Variants in GCC2 observed in about 807,000 individuals in gnomAD.
GCC2 encodes GRIP and coiled-coil domain containing 2.
GCC2 carries 120 observed loss-of-function variants against 210.6 expected under a neutral mutation model. The ratio of observed to expected loss-of-function variants is 0.57; its 90% confidence interval spans 0.49 to 0.66. The LOEUF (loss-of-function observed/expected upper bound fraction) is 0.66, where lower values mean the gene tolerates loss of function less well. GCC2 is among the 30% of genes least tolerant of loss of function. GCC2 has a pLI of 0.00. For missense variants in GCC2, 1,868 were observed against 1,871.9 expected (o/e 1.00, Z 0.04); for synonymous variants, 703 against 652.7 (o/e 1.08, Z -1.17).
intron 3 of GCC2, among the ~76,000 whole-genome samples, chr2:108,451,404 T>C (rs183079466): frequency 1.3e-5 from 2 of 152,332 alleles, no homozygotes; most frequent in East Asian, 1.9e-4. Flanking sequence ...TAGATTCTTC[T>C]GAGTTCTGAG....
At chr2:108,476,307 C>T (rs1373434411) in intron 9 of GCC2, among the ~76,000 whole-genome samples, 2 of 152,078 alleles carry the variant, frequency 1.3e-5, no homozygotes, top group Admixed American at 1.3e-4. Flanking sequence ...ATCCACCTAC[C>T]TCGGCCTCCC....
chr2:108,453,033 C>T lies in GCC2; in HGVS notation c.216+567C>T, dbSNP rs376503389. Reference sequence around the variant, plus strand: ...GGTTGTTACTTCATTCTCTGCTCTTCCCCAGCCCCCTGAAAACCTGGCCAT... The same window carrying T: ...GGTTGTTACTTCATTCTCTGCTCTTTCCCAGCCCCCTGAAAACCTGGCCAT... On this transcript the variant is annotated intron_variant, in intron 4 of 22. Coordinates refer to ENST00000309863, the MANE Select transcript of GCC2 (RefSeq NM_181453.4). Among the ~76,000 whole-genome samples, 60 of 152,316 alleles carry T rather than the reference C, an allele frequency of 3.9e-4. 1 individual carries two copies. The South Asian group carries it at 0.012, about 29-fold the overall frequency.
Position 108,480,911 on chromosome 2 carries a change from A to C in GCC2, c.3061-786A>C, listed in dbSNP as rs1264335007. The stretch of plus-strand genomic sequence containing the variant: ...GTACCCCTGAACTTAAAAGTTAAAA[A>C]ATTTTTTAAAAACACCATTTTGCTA... On this transcript the variant is annotated intron_variant, in intron 9 of 22. Transcript: ENST00000309863. 2.0e-5 allele frequency among the ~76,000 whole-genome samples: 3 copies of C among 152,172 alleles called. No homozygotes were observed. The East Asian group carries it at 5.8e-4, about 29-fold the overall frequency.
At chr2:108,476,639 A>T in intron 9 of GCC2, among the ~76,000 whole-genome samples, 1 of 151,884 alleles carries the variant, frequency 6.6e-6, no homozygotes, top group Admixed American at 6.5e-5. Flanking sequence ...AAAAGATAAG[A>T]ATTAAAAATT....
Position 108,470,988 on chromosome 2 carries a change from G to T in GCC2, c.1659G>T (p.Leu553Phe). Reference sequence around the variant, plus strand: ...AAAAGTTACTATCTCAACAAGAATTGGTACCAGAACTTGAAAATACCATAA... The same window carrying T: ...AAAAGTTACTATCTCAACAAGAATTTGTACCAGAACTTGAAAATACCATAA... ...ENEKLLSQQE[L>F]VPELENTIKN... The change falls in exon 6 of 23, where the codon TTG becomes TTT. Residue 553 changes from leucine to phenylalanine, a missense_variant. Leu to Phe is a conservative substitution (Grantham distance 22). Transcript: ENST00000309863. 1 of 1,613,016 alleles carries T rather than the reference G, an allele frequency of 6.2e-7. No homozygotes were observed. Among genetic ancestry groups the T allele is most frequent in the Non-Finnish European group, 8.5e-7 (1 of 1,179,448 alleles).
chr2:108,455,037 T>C lies in GCC2; in HGVS notation c.216+2571T>C, dbSNP rs111443370. Reference sequence around the variant, plus strand: ...TATCCATTAACTCTTATAATACTTTTTACAGAATTGCATTTCAGAATAAGA... The same window carrying C: ...TATCCATTAACTCTTATAATACTTTCTACAGAATTGCATTTCAGAATAAGA... On this transcript the variant is annotated intron_variant, in intron 4 of 22. Coordinates refer to ENST00000309863, the MANE Select transcript of GCC2 (RefSeq NM_181453.4). 3.3e-5 allele frequency among the ~76,000 whole-genome samples: 5 copies of C among 152,224 alleles called. 1 individual carries two copies. Among genetic ancestry groups the C allele is most frequent in the African/African-American group, 1.2e-4 (5 of 41,546 alleles).
chr2:108,449,650 G>A lies in GCC2; in HGVS notation c.24G>A (p.Gly8=), dbSNP rs188633754. 5.6e-6 allele frequency: 9 copies of A among 1,613,834 alleles called. No homozygotes were observed. The East Asian group carries it at 1.6e-4, about 28-fold the overall frequency. The part of the protein sequence containing the change: MEDLVQD[G]VASPATPGTG... Reference sequence around the variant, plus strand: ...TTTTGCAGGATCTTGTTCAAGATGGGGTGGCTTCACCAGCTACCCCTGGGA... The same window carrying A: ...TTTTGCAGGATCTTGTTCAAGATGGAGTGGCTTCACCAGCTACCCCTGGGA... Residue 8 remains glycine, a synonymous_variant, in exon 2 of 23, where the codon GGG becomes GGA. Coordinates refer to ENST00000309863, the MANE Select transcript of GCC2 (RefSeq NM_181453.4).
chr2:108,468,944 T>TCCACCAA, intron 4 of GCC2, 36 bp from the exon 5 acceptor site: 1 of 1,387,648 alleles, frequency 7.2e-7, no homozygotes, highest in South Asian at 1.2e-5. Flanking sequence ...TCCACCATTT[T>TCCACCAA]TTAACCCCAG....
chr2:108,458,354 G>A (rs974073624), intron 4 of GCC2, among the ~76,000 whole-genome samples: 6 of 149,540 alleles, frequency 4.0e-5, no homozygotes, highest in African/African-American at 1.2e-4. Flanking sequence ...GTGTTCATCA[G>A]GGATATTGGT....
chr2:108,496,718 A>G (rs1682660960), intron 20 of GCC2: 7 of 579,762 alleles, frequency 1.2e-5, no homozygotes, highest in Non-Finnish European at 2.0e-5. Context: ...CAATTCTGAC[A>G]AATTTCAGAA....
intron 21 of GCC2, among the ~76,000 whole-genome samples, chr2:108,497,400 G>C (rs751162558): frequency 2.6e-4 from 39 of 152,324 alleles, no homozygotes; most frequent in Non-Finnish European, 2.2e-4. Flanking sequence ...ACAGGCATGA[G>C]CCACTGCATC....
intron 15 of GCC2, 59 bp from the exon 16 acceptor site, chr2:108,486,452 A>G: frequency 6.4e-7 from 1 of 1,556,550 alleles, no homozygotes; most frequent in Non-Finnish European, 8.9e-7. Flanking sequence ...TTTAAGGAAA[A>G]CCTCTTTAAC....
intron 13 of GCC2, among the ~76,000 whole-genome samples, chr2:108,485,297 C>T (rs1164195438): frequency 1.5e-4 from 22 of 148,350 alleles, no homozygotes; most frequent in African/African-American, 3.8e-4. Context: ...AATGTGCACA[C>T]GTACCCTAAA....
At position 108,486,512 on chromosome 2, in the gene GCC2, T is replaced by A. The variant is rs1348990551; in HGVS notation, c.3794T>A (p.Ile1265Lys). The change falls in exon 16 of 23, where the codon ATA becomes AAA. Residue 1265 changes from isoleucine (I) to lysine (K), a missense_variant and splice_region_variant. Ile to Lys is a moderately radical substitution (Grantham distance 102, BLOSUM62 -3). Transcript: ENST00000309863. ...CTAAATTTAAAGATTTACCCCCAGATACAGCTGGCTGAAATAACATCAGAG... is the reference window on the plus strand; with the variant it reads ...CTAAATTTAAAGATTTACCCCCAGAAACAGCTGGCTGAAATAACATCAGAG... ...ASQQQVEVYK[I>K]QLAEITSEKH... 1 of 1,614,090 alleles carries A rather than the reference T, an allele frequency of 6.2e-7. No homozygotes were observed. Among genetic ancestry groups the A allele is most frequent in the African/African-American group, 1.3e-5 (1 of 75,044 alleles).
At position 108,470,437 on chromosome 2, in the gene GCC2, C is replaced by T; in HGVS notation, c.1108C>T (p.Gln370Ter). The T allele has an allele frequency of 6.2e-7, 1 of 1,605,736 alleles. No individual in the cohort carries two copies. Among genetic ancestry groups the T allele is most frequent in the Non-Finnish European group, 8.5e-7 (1 of 1,173,208 alleles). The change falls in exon 6 of 23, where the codon CAA becomes TAA. Residue 370 changes from glutamine (Q) to a stop codon, truncating the protein, a stop_gained. Coordinates refer to ENST00000309863, the MANE Select transcript of GCC2 (RefSeq NM_181453.4). LOFTEE classifies it high-confidence loss of function. ...TAAGTTAAAACTTGAAATGGATGCT[C>T]AACATATAAAGGATGAGTTTTTTCA... ...NLKLKLEMDA[Q>*]HIKDEFFHER...
In GCC2 at chr2:108,449,766, G is replaced by C. The variant is rs565658518; in HGVS notation, c.63+77G>C. 72 of 1,139,850 alleles carry C rather than the reference G, an allele frequency of 6.3e-5. No homozygotes were observed. In the Admixed American group the frequency reaches 1.0e-3, roughly 16 times the overall value. The allele number at this position is 1,139,850 out of a possible 1,614,324, so 70.6% of individuals were successfully genotyped here. ...ATTGGAAAACTTTGGCATGGGGAAG[G>C]GGGGGGCGCTGATTTTTTTTTTTTT... On this transcript the variant is annotated intron_variant, in intron 2 of 22. Transcript: ENST00000309863.
chr2:108,501,935 A>G (rs10189700), intron 22 of GCC2, among the ~76,000 whole-genome samples: 56,890 of 152,062 alleles, frequency 0.37, 12,341 homozygotes, highest in East Asian at 0.89. Flanking sequence ...TCTTCAAACT[A>G]TAGGATAGGT....
At chr2:108,459,518 T>A (rs1204698244) in intron 4 of GCC2, among the ~76,000 whole-genome samples, 1 of 152,118 alleles carries the variant, frequency 6.6e-6, no homozygotes, top group Non-Finnish European at 1.5e-5. Flanking sequence ...AAAGTCTGGT[T>A]TAAATGCAAT....
intron 4 of GCC2, among the ~76,000 whole-genome samples, chr2:108,463,488 G>A (rs1680712696): frequency 6.6e-6 from 1 of 152,142 alleles, no homozygotes; most frequent in Admixed American, 6.5e-5. Flanking sequence ...TGGTGTCTGT[G>A]ATTTCATCAG....
Sources: gnomAD v4.1 joint callset for allele counts (sites outside exome capture counted in the v4.1 genomes callset) on GRCh38, gnomAD v4.1.1 for gene constraint, MANE v1.5 for transcripts, NCBI Gene and HGNC (gene_info 2026-07-23, HGNC 2026-07-21) for gene names.